PROSER1: variants seen among roughly 807,000 people sequenced by gnomAD.
PROSER1 encodes proline and serine rich 1.
In PROSER1, 36 loss-of-function variants were observed where a neutral mutation model predicts 71.8. The observed-to-expected ratio is 0.50, with a 90% CI of 0.38 to 0.66. The LOEUF (loss-of-function observed/expected upper bound fraction) is 0.66. Ranked by LOEUF, PROSER1 falls within the 30% of genes least tolerant of loss-of-function variation. The pLI, the probability that PROSER1 is intolerant of heterozygous loss-of-function variation, is 0.00. For missense variants in PROSER1, 1,107 were observed against 1,135.0 expected (o/e 0.98, Z 0.35); for synonymous variants, 490 against 452.4 (o/e 1.08, Z -1.06).
In PROSER1 at chr13:39,031,568, G is replaced by A; in HGVS notation, c.175C>T (p.Gln59Ter). 6.2e-7 allele frequency: 1 copy of A among 1,607,576 alleles called. No homozygotes were observed. Among genetic ancestry groups the A allele is most frequent in the Non-Finnish European group, 8.5e-7 (1 of 1,176,024 alleles). Reference sequence around the variant, plus strand: ...GGAAAAAATAAGTTACTTACATGCTGTAATGCTTTCATTGCCTTCAACTGG... The same window carrying A: ...GGAAAAAATAAGTTACTTACATGCTATAATGCTTTCATTGCCTTCAACTGG... Reference protein sequence around the residue: ...EPQLKAMKALQHKMVAVQPTE... With the variant: ...EPQLKAMKAL The change falls in exon 3 of 13, where the codon CAG becomes TAG. Residue 59 changes from glutamine to a stop codon, truncating the protein, a stop_gained. Transcript: ENST00000352251. LOFTEE classifies it high-confidence loss of function.
intron 5 of PROSER1, among the ~76,000 whole-genome samples, chr13:39,027,960 A>G (rs948577234): frequency 6.6e-6 from 1 of 152,160 alleles, no homozygotes; most frequent in African/African-American, 2.4e-5. Context: ...TGGCAAAGGT[A>G]CCAAGGGACC....
In PROSER1 at chr13:39,010,457, C is replaced by T. The variant is rs1186915690; in HGVS notation, c.*908G>A. 2 of 152,594 alleles carry T rather than the reference C, an allele frequency of 1.3e-5. No homozygotes were observed. Among genetic ancestry groups the T allele is most frequent in the African/African-American group, 4.8e-5 (2 of 41,458 alleles). The allele number at this position is 152,594 out of a possible 1,614,324, so 9.5% of individuals were successfully genotyped here. A position where few individuals can be genotyped will look rare whatever the true frequency, so the allele number is the denominator to read the frequency against. Reference sequence around the variant, plus strand: ...CTACCACAGATCCTTAAATAGAGTACATACTGCATAATTACTAACAGAGCC... The same window carrying T: ...CTACCACAGATCCTTAAATAGAGTATATACTGCATAATTACTAACAGAGCC... On this transcript the variant is annotated 3_prime_UTR_variant, in exon 13 of 13. Transcript: ENST00000352251.
At chr13:39,031,653 C>T (rs370942957) in intron 2 of PROSER1, 22 bp from the exon 3 acceptor site, 21 of 1,596,136 alleles carry the variant, frequency 1.3e-5, no homozygotes, top group Non-Finnish European at 1.4e-5. Context: ...GAACTAACAG[C>T]TCTAATGACA....
intron 9 of PROSER1, among the ~76,000 whole-genome samples, chr13:39,019,516 CAAAAA>C (rs1183602451): frequency 2.4e-5 from 1 of 40,832 alleles, no homozygotes; most frequent in Non-Finnish European, 4.9e-5. Context: ...AACTCTGTCT[CAAAAA>C]AAAAAAAAAA....
intron 10 of PROSER1, among the ~76,000 whole-genome samples, chr13:39,015,781 T>G (rs1869981254): frequency 6.6e-6 from 1 of 152,228 alleles, no homozygotes; most frequent in South Asian, 2.1e-4. Context: ...GTATTAATGT[T>G]GTAAGCAGTG....
chr13:39,010,169 A>C lies in PROSER1; in HGVS notation c.*1196T>G, dbSNP rs1869575672. The C allele has an allele frequency of 6.6e-6, 1 of 152,426 alleles. No individual in the cohort carries two copies. The highest frequency in any genetic ancestry group is 2.4e-5 in the African/African-American group (1 of 41,334). 9.4% of individuals were successfully genotyped at this position (152,426 alleles called of 1,614,324 possible). On this transcript the variant is annotated 3_prime_UTR_variant, in exon 13 of 13. Coordinates refer to ENST00000352251, the MANE Select transcript of PROSER1 (RefSeq NM_025138.5). ...AGAATATTTGTCATATCCATAGTTTATTTTAAAAAACTGTTAAAAACTAAC... is the reference window on the plus strand; with the variant it reads ...AGAATATTTGTCATATCCATAGTTTCTTTTAAAAAACTGTTAAAAACTAAC...
In PROSER1 at chr13:39,029,234, A is replaced by AT. The variant is rs765870340; in HGVS notation, c.275+46dup. 7.4e-6 allele frequency: 8 copies of AT among 1,077,278 alleles called. 1 individual carries two copies. The highest frequency in any genetic ancestry group is 2.9e-5 in the Admixed American group (1 of 34,700). The allele number at this position is 1,077,278 out of a possible 1,614,324, so 66.7% of individuals were successfully genotyped here. A position where few individuals can be genotyped will look rare whatever the true frequency, so the allele number is the denominator to read the frequency against. On this transcript the variant is annotated intron_variant, in intron 4 of 12. Transcript: ENST00000352251. ...AATTAGACACTTAAAACGCTTCTAC[A>AT]TTTTTTCCCAAGTAAAAAAAAAAAA...
In PROSER1 at chr13:39,023,066, G is replaced by C. The variant is rs761732267; in HGVS notation, c.629C>G (p.Ala210Gly). ...PYPIPPCRPHATIAPSAYNNA... is the reference protein window; with the variant it reads ...PYPIPPCRPHGTIAPSAYNNA... Reference sequence around the variant, plus strand: ...GAACTCCTTACTTGGTGCAATAGTTGCATGTGGTCGGCATGGAGGTATCGG... The same window carrying C: ...GAACTCCTTACTTGGTGCAATAGTTCCATGTGGTCGGCATGGAGGTATCGG... The change falls in exon 8 of 13, where the codon GCA (alanine) becomes GGA (glycine). Residue 210 changes from alanine (A) to glycine (G), a missense_variant. Coordinates refer to ENST00000352251, the MANE Select transcript of PROSER1 (RefSeq NM_025138.5). The C allele has an allele frequency of 3.1e-6, 5 of 1,612,044 alleles. No homozygotes were observed. Among genetic ancestry groups the C allele is most frequent in the South Asian group, 1.1e-5 (1 of 90,970 alleles).
At chr13:39,022,279 A>T in intron 9 of PROSER1, 47 bp downstream of exon 9, 1 of 1,241,644 alleles carries the variant, frequency 8.1e-7, no homozygotes. Flanking sequence ...CCAAGTGTAC[A>T]TTTGTATATG....
chr13:39,014,084 G>A lies in PROSER1; in HGVS notation c.1168C>T (p.Leu390Phe), dbSNP rs760864954. The A allele has an allele frequency of 5.6e-6, 9 of 1,614,116 alleles. No individual in the cohort carries two copies. Among genetic ancestry groups the A allele is most frequent in the Middle Eastern group, 1.6e-4 (1 of 6,084 alleles). The stretch of plus-strand genomic sequence containing the variant: ...GAAGCAAATGCTTCACTGGAACCAA[G>A]AGTGGACCGTGGTGTAGGTCCTGGG... ...PTPGPTPRST[L>F]GSSEAFASTS... is the part of the protein sequence containing the mutation. Residue 390 changes from leucine to phenylalanine, a missense_variant, in exon 11 of 13, where the codon CTT becomes TTT. Transcript: ENST00000352251.
At chr13:39,015,402 T>C (rs1869961544) in intron 10 of PROSER1, among the ~76,000 whole-genome samples, 1 of 152,204 alleles carries the variant, frequency 6.6e-6, no homozygotes, top group Non-Finnish European at 1.5e-5. Flanking sequence ...ACAACTATCA[T>C]CTGATACTGT....
chr13:39,013,512 G>C lies in PROSER1; in HGVS notation c.1740C>G (p.Ser580=). The change falls in exon 11 of 13, where the codon TCC becomes TCG. Residue 580 remains serine, a synonymous_variant. Coordinates refer to ENST00000352251, the MANE Select transcript of PROSER1 (RefSeq NM_025138.5). ...TACCTGGGTGGGGGCCACGCAAAAG[G>C]GAGGCTGAGGAGCCACAGCTAACTG... is the stretch of plus-strand genomic sequence containing the variant. ...SVPVSCGSSA[S]LLRGPHPGTS... 6.2e-7 allele frequency: 1 copy of C among 1,614,124 alleles called. No homozygotes were observed. The highest frequency in any genetic ancestry group is 8.5e-7 in the Non-Finnish European group (1 of 1,180,022).
At chr13:39,023,196 C>T in intron 7 of PROSER1, 66 bp from the exon 8 acceptor site, 1 of 1,230,706 alleles carries the variant, frequency 8.1e-7, no homozygotes, top group Admixed American at 1.7e-5. Flanking sequence ...GGCAACTTGT[C>T]TTTCAAAATA....
At position 39,024,474 on chromosome 13, in the gene PROSER1, G is replaced by A. The variant is rs778625450; in HGVS notation, c.563C>T (p.Pro188Leu). 2.5e-6 allele frequency: 4 copies of A among 1,604,246 alleles called. No individual in the cohort carries two copies. The highest frequency in any genetic ancestry group is 3.4e-6 in the Non-Finnish European group (4 of 1,172,936). ...IAARILGPSK[P>L]PPSTYNPHKP... The stretch of plus-strand genomic sequence containing the variant: ...TGTTTCATCATTTTCTAAACATACT[G>A]GTTTGGATGGCCCAAGAATTCGTGC... The change falls in exon 7 of 13, where the codon CCA becomes CTA. Residue 188 changes from proline to leucine, a missense_variant and splice_region_variant. Physicochemically the swap from Pro to Leu is moderately conservative, Grantham distance 98. Coordinates refer to ENST00000352251, the MANE Select transcript of PROSER1 (RefSeq NM_025138.5).
rs1239223595 is a variant in PROSER1 at position 39,024,330 on chromosome 13, C to T, written c.564+143G>A. The T allele has an allele frequency of 6.7e-6, 4 of 595,798 alleles. No homozygotes were observed. The African/African-American group carries it at 7.5e-5, about 11-fold the overall frequency. 36.9% of individuals were successfully genotyped at this position (595,798 alleles called of 1,614,324 possible). On this transcript the variant is annotated intron_variant, in intron 7 of 12. Coordinates refer to ENST00000352251, the MANE Select transcript of PROSER1 (RefSeq NM_025138.5). ...ACTACTGTTAAATATTTATGTTTCC[C>T]TCATCCATTCACTCTCTCACTCTCC...
chr13:39,013,525 C>G lies in PROSER1; in HGVS notation c.1727G>C (p.Gly576Ala), dbSNP rs1869808609. Residue 576 changes from glycine to alanine, a missense_variant, in exon 11 of 13, where the codon GGC becomes GCC. Gly to Ala is a moderately conservative substitution (Grantham distance 60). Transcript: ENST00000352251. ...SASTSVPVSC[G>A]SSASLLRGPH... Reference sequence around the variant, plus strand: ...GCCACGCAAAAGGGAGGCTGAGGAGCCACAGCTAACTGGCACTGACGTGGA... The same window carrying G: ...GCCACGCAAAAGGGAGGCTGAGGAGGCACAGCTAACTGGCACTGACGTGGA... 1 of 1,613,932 alleles carries G rather than the reference C, an allele frequency of 6.2e-7. No individual in the cohort carries two copies. The highest frequency in any genetic ancestry group is 8.5e-7 in the Non-Finnish European group (1 of 1,180,020).
intron 9 of PROSER1, among the ~76,000 whole-genome samples, chr13:39,018,473 G>GACACACACACACACAC (rs56659534): frequency 1.0e-4 from 12 of 120,202 alleles, no homozygotes; most frequent in Non-Finnish European, 1.7e-4. Flanking sequence ...TTTAAAACCC[G>GACACACACACACACAC]ACACACACAC....
rs1870389170 is a variant in PROSER1, at chr13:39,023,282, TCTTTG to T, written c.565-157_565-153del. 4 of 569,142 alleles carry T rather than the reference TCTTTG, an allele frequency of 7.0e-6. No homozygotes were observed. In the East Asian group the frequency reaches 8.5e-5, roughly 12 times the overall value. The allele number at this position is 569,142 out of a possible 1,614,324, so 35.3% of individuals were successfully genotyped here. The stretch of plus-strand genomic sequence containing the variant: ...CATGGGACAACAAATGAGGGAAATT[TCTTTG>T]CTTTAATAAATGTGGTTGCTATTAA... On this transcript the variant is annotated intron_variant, in intron 7 of 12. Transcript: ENST00000352251.
At position 39,013,833 on chromosome 13, in the gene PROSER1, T is replaced by C. The variant is rs1869842883; in HGVS notation, c.1419A>G (p.Lys473=). Residue 473 remains lysine (K), a synonymous_variant, in exon 11 of 13, where the codon AAA becomes AAG. Coordinates refer to ENST00000352251, the MANE Select transcript of PROSER1 (RefSeq NM_025138.5). ...GVNSPLLSAL[K]GFLTSNDTNL... is the part of the protein sequence containing the mutation. ...TGGTGTCATTGGATGTCAGAAAACC[T>C]TTTAACGCAGACAAAAGAGGACTGT... 1 of 1,614,052 alleles carries C rather than the reference T, an allele frequency of 6.2e-7. No homozygotes were observed. Among genetic ancestry groups the C allele is most frequent in the Non-Finnish European group, 8.5e-7 (1 of 1,180,036 alleles).
Sources: gnomAD v4.1 joint callset for allele counts (sites outside exome capture counted in the v4.1 genomes callset) on GRCh38, gnomAD v4.1.1 for gene constraint, MANE v1.5 for transcripts, NCBI Gene and HGNC (gene_info 2026-07-23, HGNC 2026-07-21) for gene names.